Variants in DGKB observed in about 807,000 individuals in gnomAD.
DGKB encodes the protein diacylglycerol kinase beta.
A neutral mutation model predicts 114.3 loss-of-function variants in DGKB; 67 were observed. The ratio of observed to expected loss-of-function variants is 0.59; its 90% CI spans 0.48 to 0.72. The LOEUF is 0.72. DGKB is among the 30% of genes least tolerant of loss of function. The pLI is 0.00. For missense variants in DGKB, 907 were observed against 975.2 expected (o/e 0.93, Z 0.93); for synonymous variants, 398 against 323.1 (o/e 1.23, Z -2.49).
chr7:14,953,642 C>T (rs1786334374), intron 1 of DGKB, among the ~76,000 whole-genome samples: 1 of 152,070 alleles, frequency 6.6e-6, no homozygotes, highest in Non-Finnish European at 1.5e-5. Flanking sequence ...TTTGGCAGAT[C>T]CTCAGAGTTA....
At chr7:14,467,937 T>G (rs2128881139) in intron 21 of DGKB, among the ~76,000 whole-genome samples, 1 of 152,226 alleles carries the variant, frequency 6.6e-6, no homozygotes, top group South Asian at 2.1e-4. Context: ...TTCTACTTAA[T>G]ATGTCCTGTA....
rs566560749 is a variant in DGKB, at chr7:14,835,819, A to T, written c.70+5375T>A. Among the ~76,000 whole-genome samples, 191 of 152,334 alleles carry T rather than the reference A, an allele frequency of 1.3e-3. 2 individuals are homozygous for T. The highest frequency in any genetic ancestry group is 7.9e-3 in the South Asian group (38 of 4,834). The stretch of plus-strand genomic sequence containing the variant: ...ATCAATCTTCATGAAAAACATAAAC[A>T]AATTATTCCTGTTTTGACCTTTGTT... On this transcript the variant is annotated intron_variant, in intron 2 of 25. Coordinates refer to ENST00000402815, the MANE Select transcript of DGKB (RefSeq NM_001350709.2).
chr7:14,574,165 G>T, intron 20 of DGKB, 47 bp downstream of exon 20: 3 of 1,458,866 alleles, frequency 2.1e-6, no homozygotes, highest in Non-Finnish European at 1.9e-6. Flanking sequence ...TTCTCACTGT[G>T]ATTATACAGT....
At chr7:14,449,121 A>C (rs2128832779) in intron 21 of DGKB, among the ~76,000 whole-genome samples, 1 of 152,246 alleles carries the variant, frequency 6.6e-6, no homozygotes, top group South Asian at 2.1e-4. Context: ...AGAAAATATT[A>C]GAACTTAATA....
chr7:14,833,922 G>C (rs910460510), intron 2 of DGKB, among the ~76,000 whole-genome samples: 1 of 152,070 alleles, frequency 6.6e-6, no homozygotes, highest in Non-Finnish European at 1.5e-5. Flanking sequence ...TCTTGCATAC[G>C]TAACATTCAG....
intron 20 of DGKB, among the ~76,000 whole-genome samples, chr7:14,535,204 C>T: frequency 6.6e-6 from 1 of 151,648 alleles, no homozygotes; most frequent in Admixed American, 6.6e-5. Flanking sequence ...ACTGTCTCAA[C>T]AAAAAAACAA....
intron 21 of DGKB, among the ~76,000 whole-genome samples, chr7:14,457,740 G>T (rs966202344): frequency 6.6e-6 from 1 of 152,184 alleles, no homozygotes; most frequent in African/African-American, 2.4e-5. Context: ...AAGGTACACA[G>T]ATGCCCTTTG....
intron 13 of DGKB, among the ~76,000 whole-genome samples, chr7:14,671,270 C>G (rs894449127): frequency 6.6e-6 from 1 of 151,940 alleles, no homozygotes; most frequent in African/African-American, 2.4e-5. Context: ...TCCAGAGAAA[C>G]AGAGAAAGGA....
chr7:14,920,085 T>C (rs1050030298), intron 1 of DGKB, among the ~76,000 whole-genome samples: 4 of 152,142 alleles, frequency 2.6e-5, no homozygotes, highest in African/African-American at 9.7e-5. Context: ...AAAATCTAGG[T>C]AACTTTGTGT....
chr7:14,192,710 G>A (rs949984161), intron 23 of DGKB, among the ~76,000 whole-genome samples: 1 of 151,958 alleles, frequency 6.6e-6, no homozygotes, highest in Non-Finnish European at 1.5e-5. Context: ...CATTTATTGT[G>A]CACTTTATAT....
chr7:14,723,926 T>TA (rs1292714463), intron 5 of DGKB, among the ~76,000 whole-genome samples: 12 of 152,208 alleles, frequency 7.9e-5, no homozygotes, highest in African/African-American at 2.9e-4. Flanking sequence ...ATTTAATAGA[T>TA]AATTTTAATT....
intron 23 of DGKB, among the ~76,000 whole-genome samples, chr7:14,323,508 GA>G (rs2128541924): frequency 6.6e-6 from 1 of 152,278 alleles, no homozygotes; most frequent in African/African-American, 2.4e-5. Flanking sequence ...TTTAGACAGG[GA>G]ATCAGAGAAA....
At chr7:14,615,213 A>G (rs1245553348) in intron 15 of DGKB, among the ~76,000 whole-genome samples, 1 of 151,980 alleles carries the variant, frequency 6.6e-6, no homozygotes, top group Admixed American at 6.6e-5. Context: ...CAGATTTTTA[A>G]GCATGAGCAA....
chr7:14,716,385 T>G (rs956942091), intron 6 of DGKB, among the ~76,000 whole-genome samples: 3 of 152,202 alleles, frequency 2.0e-5, no homozygotes, highest in Non-Finnish European at 2.9e-5. Flanking sequence ...TTCTTTCTGC[T>G]TAGCTACCCT....
intron 20 of DGKB, among the ~76,000 whole-genome samples, chr7:14,482,527 A>T (rs1216819528): frequency 6.6e-6 from 1 of 152,084 alleles, no homozygotes; most frequent in Non-Finnish European, 1.5e-5. Flanking sequence ...ATAAATTAAC[A>T]ATGTGAGATA....
intron 23 of DGKB, among the ~76,000 whole-genome samples, chr7:14,194,636 A>G (rs75331269): frequency 0.011 from 1,645 of 152,278 alleles, 34 homozygotes; most frequent in African/African-American, 0.037. Context: ...ATGTTATATT[A>G]TGTTATATAT....
chr7:14,536,869 A>G, intron 20 of DGKB, among the ~76,000 whole-genome samples: 1 of 151,974 alleles, frequency 6.6e-6, no homozygotes, highest in African/African-American at 2.4e-5. Flanking sequence ...CATCCAAATT[A>G]GATAAGAAGA....
At chr7:14,264,551 TA>T (rs946676904) in intron 23 of DGKB, among the ~76,000 whole-genome samples, 14 of 152,164 alleles carry the variant, frequency 9.2e-5, no homozygotes, top group Non-Finnish European at 4.4e-5. Context: ...GAACAGGGCC[TA>T]AACCTTAAGA....
At chr7:14,961,236 C>G (rs1786825874) in intron 1 of DGKB, among the ~76,000 whole-genome samples, 1 of 152,022 alleles carries the variant, frequency 6.6e-6, no homozygotes, top group African/African-American at 2.4e-5. Context: ...GTGCATGAAG[C>G]TTAGCTTTTA....
Sources: gnomAD v4.1 joint callset for allele counts (sites outside exome capture counted in the v4.1 genomes callset) on GRCh38, gnomAD v4.1.1 for gene constraint, MANE v1.5 for transcripts, NCBI Gene and HGNC (gene_info 2026-07-23, HGNC 2026-07-21) for gene names.